AGBL1: variants seen among roughly 807,000 people sequenced by gnomAD.
AGBL1 encodes the protein cytosolic carboxypeptidase 4.
In AGBL1, 130 loss-of-function variants were observed where a neutral mutation model predicts 118.9. That is an observed-to-expected ratio of 1.09 (90% CI 0.95 to 1.26). The LOEUF (loss-of-function observed/expected upper bound fraction) is 1.26, where lower values mean the gene tolerates loss of function less well. Among genes scored for constraint, AGBL1 ranks in the 50% most tolerant of loss-of-function variants. The pLI is 0.00. For missense variants in AGBL1, 1,584 were observed against 1,298.1 expected (o/e 1.22, Z -3.38); for synonymous variants, 555 against 478.9 (o/e 1.16, Z -2.08).
chr15:86,383,279 T>TAAAA (rs2081138389), intron 17 of AGBL1, among the ~76,000 whole-genome samples: 1 of 107,874 alleles, frequency 9.3e-6, no homozygotes, highest in Non-Finnish European at 1.9e-5. Context: ...AAAAAAATCC[T>TAAAA]AATTGCTTAT....
intron 1 of AGBL1, among the ~76,000 whole-genome samples, chr15:86,139,036 C>A (rs2141634642): frequency 6.6e-6 from 1 of 152,288 alleles, no homozygotes; most frequent in African/African-American, 2.4e-5. Flanking sequence ...GAGGGAGAGG[C>A]ACCCACATTG....
At chr15:86,697,452 AT>A (rs1292898644) in intron 22 of AGBL1, among the ~76,000 whole-genome samples, 2 of 148,186 alleles carry the variant, frequency 1.3e-5, no homozygotes, top group Non-Finnish European at 3.0e-5. Flanking sequence ...GTTGTGATTT[AT>A]TTTTATTTAT....
intron 17 of AGBL1, among the ~76,000 whole-genome samples, chr15:86,318,679 G>C (rs191870177): frequency 2.4e-4 from 36 of 150,404 alleles, no homozygotes; most frequent in Non-Finnish European, 4.3e-4. Flanking sequence ...AGATTTGAAG[G>C]GTAGAGTTGA....
At chr15:86,682,204 G>T (rs1367513269) in intron 22 of AGBL1, among the ~76,000 whole-genome samples, 1 of 152,064 alleles carries the variant, frequency 6.6e-6, no homozygotes, top group Non-Finnish European at 1.5e-5. Flanking sequence ...CTCCGCCTGG[G>T]AATTATTATA....
intron 18 of AGBL1, among the ~76,000 whole-genome samples, chr15:86,438,693 G>A (rs1450413530): frequency 2.2e-5 from 3 of 134,098 alleles, no homozygotes; most frequent in Non-Finnish European, 4.6e-5. Context: ...GTGGAGTCTC[G>A]CTCTGTCACC....
At chr15:86,235,407 A>C (rs923211430) in intron 6 of AGBL1, among the ~76,000 whole-genome samples, 1 of 152,238 alleles carries the variant, frequency 6.6e-6, no homozygotes, top group Non-Finnish European at 1.5e-5. Context: ...TCAAAGGTTA[A>C]TATCCAAGGT....
intron 23 of AGBL1, among the ~76,000 whole-genome samples, chr15:86,987,280 G>T: frequency 6.6e-6 from 1 of 152,110 alleles, no homozygotes; most frequent in Non-Finnish European, 1.5e-5. Flanking sequence ...TGTCAGTGGT[G>T]TTTTTGCATT....
chr15:86,305,812 T>C (rs372683539), intron 17 of AGBL1, among the ~76,000 whole-genome samples: 2 of 152,126 alleles, frequency 1.3e-5, no homozygotes, highest in African/African-American at 2.4e-5. Flanking sequence ...TTCTTGACAA[T>C]TGAAGTCTGT....
At chr15:86,833,968 A>G (rs1375569416) in intron 22 of AGBL1, among the ~76,000 whole-genome samples, 4 of 152,150 alleles carry the variant, frequency 2.6e-5, no homozygotes, top group African/African-American at 9.7e-5. Flanking sequence ...CAGGGGACAC[A>G]TTTAGTTTCC....
intron 24 of AGBL1, among the ~76,000 whole-genome samples, chr15:87,006,925 CA>C (rs965201571): frequency 1.3e-5 from 2 of 152,184 alleles, no homozygotes; most frequent in Non-Finnish European, 2.9e-5. Flanking sequence ...AGGAGTGAGA[CA>C]GGGGGTTGAG....
chr15:86,187,274 G>A (rs1044710208), intron 5 of AGBL1, among the ~76,000 whole-genome samples: 3 of 152,174 alleles, frequency 2.0e-5, no homozygotes. Context: ...GAAGATCCCT[G>A]CTTCCTTTTT....
intron 22 of AGBL1, among the ~76,000 whole-genome samples, chr15:86,705,979 A>C (rs1459176224): frequency 1.3e-5 from 2 of 149,834 alleles, no homozygotes; most frequent in South Asian, 2.1e-4. Context: ...GAAAAAAAAA[A>C]CTTTAAAAAT....
intron 2 of AGBL1, among the ~76,000 whole-genome samples, chr15:86,143,084 C>T (rs747012606): frequency 6.6e-6 from 1 of 152,112 alleles, no homozygotes; most frequent in Admixed American, 6.5e-5. Context: ...GGAGGAGGTC[C>T]CTGTTCAAAA....
At chr15:86,563,306 C>G (rs1266104807) in intron 21 of AGBL1, among the ~76,000 whole-genome samples, 2 of 152,158 alleles carry the variant, frequency 1.3e-5, no homozygotes, top group Non-Finnish European at 2.9e-5. Flanking sequence ...CCTCTACACA[C>G]TGCTTTAAAT....
At chr15:86,804,488 C>T (rs75854382) in intron 22 of AGBL1, among the ~76,000 whole-genome samples, 4,926 of 152,140 alleles carry the variant, frequency 0.032, 114 homozygotes, top group Middle Eastern at 0.071. Context: ...CAAAAAAACC[C>T]AAATCAAAAA....
chr15:86,401,021 T>C (rs974299070), intron 18 of AGBL1, among the ~76,000 whole-genome samples: 1 of 152,176 alleles, frequency 6.6e-6, no homozygotes, highest in Non-Finnish European at 1.5e-5. Context: ...CTTTTAGTTC[T>C]TTAAGGAATC....
intron 22 of AGBL1, among the ~76,000 whole-genome samples, chr15:86,882,705 G>A (rs1413030163): frequency 3.9e-5 from 6 of 152,158 alleles, no homozygotes; most frequent in Admixed American, 1.3e-4. Context: ...GGCCAACTCT[G>A]TTTGGATCAG....
chr15:86,347,177 T>TA (rs974524652), intron 17 of AGBL1, among the ~76,000 whole-genome samples: 2 of 152,314 alleles, frequency 1.3e-5, no homozygotes, highest in Non-Finnish European at 2.9e-5. Flanking sequence ...CTCTTTTAGC[T>TA]AGCCCTGCAT....
At chr15:86,286,648 C>G (rs944358045) in intron 16 of AGBL1, among the ~76,000 whole-genome samples, 11 of 149,464 alleles carry the variant, frequency 7.4e-5, no homozygotes, top group African/African-American at 2.5e-4. Context: ...GAATTTCCTG[C>G]TTTTTAAGAC....
Sources: allele counts gnomAD v4.1 joint callset (sites outside exome capture counted in the v4.1 genomes callset), GRCh38; gene constraint gnomAD v4.1.1; transcripts MANE v1.5; gene names NCBI Gene and HGNC (gene_info 2026-07-23, HGNC 2026-07-21).